Variants in ERC2 observed in about 807,000 individuals in gnomAD.
ERC2 encodes the protein ELKS/RAB6-interacting/CAST family member 2, also known as ERC protein 2.
A neutral mutation model predicts 114.8 loss-of-function variants in ERC2; 42 were observed. The ratio of observed to expected loss-of-function variants is 0.37; its 90% CI spans 0.29 to 0.47. ERC2 has a LOEUF of 0.47. Among genes scored for constraint, ERC2 ranks in the 20% least tolerant of loss-of-function variants. ERC2 has a pLI of 0.99. For synonymous variants in ERC2, 454 were observed against 425.5 expected (o/e 1.07, Z -0.82); for missense variants, 939 against 1,150.7 (o/e 0.82, Z 2.66).
At chr3:56,012,793 A>G (rs548335254) in intron 8 of ERC2, among the ~76,000 whole-genome samples, 2 of 152,244 alleles carry the variant, frequency 1.3e-5, no homozygotes, top group African/African-American at 2.4e-5. Context: ...GCGCAGGGCC[A>G]GATGTCAAAA....
chr3:56,077,548 G>A (rs1370210976), intron 7 of ERC2, among the ~76,000 whole-genome samples: 2 of 152,112 alleles, frequency 1.3e-5, no homozygotes, highest in Admixed American at 1.3e-4. Context: ...TGGCAAAAGT[G>A]GTCATTTGTC....
chr3:56,384,860 G>A (rs2106767461), intron 2 of ERC2, among the ~76,000 whole-genome samples: 1 of 152,204 alleles, frequency 6.6e-6, no homozygotes, highest in East Asian at 1.9e-4. Context: ...TTTCATATAT[G>A]ATATAAGGTA....
At chr3:56,324,694 A>G (rs2057280616) in intron 2 of ERC2, among the ~76,000 whole-genome samples, 1 of 152,154 alleles carries the variant, frequency 6.6e-6, no homozygotes, top group Non-Finnish European at 1.5e-5. Context: ...GCTGAGCTGA[A>G]AGGCCCAGAT....
chr3:56,391,888 G>A (rs562927594), intron 2 of ERC2, among the ~76,000 whole-genome samples: 5 of 152,034 alleles, frequency 3.3e-5, no homozygotes, highest in African/African-American at 7.3e-5. Context: ...CTCTGTCCCC[G>A]AGGCATCATA....
intron 1 of ERC2, among the ~76,000 whole-genome samples, chr3:56,443,956 C>T (rs1186702699): frequency 2.1e-5 from 1 of 47,672 alleles, no homozygotes; most frequent in Non-Finnish European, 3.8e-5. Flanking sequence ...AAAATACCTA[C>T]AATTTTTTTT....
chr3:56,336,035 T>A (rs2057832187), intron 2 of ERC2, among the ~76,000 whole-genome samples: 1 of 152,118 alleles, frequency 6.6e-6, no homozygotes, highest in Non-Finnish European at 1.5e-5. Flanking sequence ...CCTAGTGCAC[T>A]GAATCTAGAG....
At chr3:56,074,880 C>A (rs942390967) in intron 7 of ERC2, among the ~76,000 whole-genome samples, 6 of 152,130 alleles carry the variant, frequency 3.9e-5, no homozygotes, top group Non-Finnish European at 5.9e-5. Flanking sequence ...GATCTCAAAG[C>A]AATTTCTCCT....
At chr3:55,981,529 A>G (rs2070139986) in intron 12 of ERC2, among the ~76,000 whole-genome samples, 1 of 152,154 alleles carries the variant, frequency 6.6e-6, no homozygotes, top group South Asian at 2.1e-4. Flanking sequence ...TTACTGCTAT[A>G]TCCCCAACAC....
chr3:55,986,083 T>A lies in ERC2; in HGVS notation c.2256-95A>T, dbSNP rs2070605650. 3.4e-6 allele frequency: 4 copies of A among 1,181,786 alleles called. No individual in the cohort carries two copies. In the African/African-American group the frequency reaches 6.1e-5, roughly 18 times the overall value. 73.2% of individuals were successfully genotyped at this position (1,181,786 alleles called of 1,614,324 possible). On this transcript the variant is annotated intron_variant, in intron 11 of 17. Transcript: ENST00000288221. ...ATAAAAGGAAGGAAATGCATTAGTT[T>A]TAAACATATAGCCAACAGATGTTAT...
chr3:56,430,552 C>T (rs1261873259), intron 2 of ERC2, among the ~76,000 whole-genome samples: 1 of 152,166 alleles, frequency 6.6e-6, no homozygotes, highest in Non-Finnish European at 1.5e-5. Flanking sequence ...CTTTGGGAGG[C>T]TGAGGTGGGA....
chr3:55,772,027 C>G (rs914120367), intron 14 of ERC2, among the ~76,000 whole-genome samples: 3 of 152,150 alleles, frequency 2.0e-5, no homozygotes, highest in Non-Finnish European at 2.9e-5. Flanking sequence ...TGGGCCTCTC[C>G]GCCCATCAGG....
intron 3 of ERC2, among the ~76,000 whole-genome samples, chr3:56,292,539 G>A (rs577541036): frequency 1.6e-4 from 24 of 152,066 alleles, no homozygotes; most frequent in African/African-American, 4.3e-4. Flanking sequence ...GCAGTAAGCC[G>A]AGACTGTGCC....
intron 2 of ERC2, among the ~76,000 whole-genome samples, chr3:56,311,245 CTCTCTCTCTCT>C (rs2056538451): frequency 7.7e-5 from 2 of 26,102 alleles, no homozygotes; most frequent in African/African-American, 1.0e-4. Flanking sequence ...CTCTCTCTCT[CTCTCTCTCTCT>C]ATATATATAT....
chr3:56,000,993 G>A (rs1425831081), intron 10 of ERC2, among the ~76,000 whole-genome samples: 1 of 150,800 alleles, frequency 6.6e-6, no homozygotes, highest in East Asian at 1.9e-4. Context: ...TATTTTGGAG[G>A]AATAGTTCAT....
At chr3:55,810,879 G>A (rs2059695890) in intron 14 of ERC2, among the ~76,000 whole-genome samples, 1 of 152,142 alleles carries the variant, frequency 6.6e-6, no homozygotes, top group Non-Finnish European at 1.5e-5. Context: ...TTCTTTAATA[G>A]ATGTGGATAT....
chr3:55,562,830 A>T (rs1250192563), intron 17 of ERC2, among the ~76,000 whole-genome samples: 1 of 151,334 alleles, frequency 6.6e-6, no homozygotes, highest in Non-Finnish European at 1.5e-5. Context: ...GTTGTTGTTT[A>T]AAAAAAAAGA....
chr3:56,306,718 T>G (rs1303950544), intron 2 of ERC2, among the ~76,000 whole-genome samples: 1 of 152,158 alleles, frequency 6.6e-6, no homozygotes, highest in Admixed American at 6.5e-5. Flanking sequence ...TAGAATAATC[T>G]CCTTGGATGA....
At chr3:55,934,142 C>G (rs558180598) in intron 13 of ERC2, among the ~76,000 whole-genome samples, 1 of 152,266 alleles carries the variant, frequency 6.6e-6, no homozygotes, top group African/African-American at 2.4e-5. Context: ...GAGGGTATGG[C>G]TAGCTGCCAA....
chr3:56,199,341 C>T (rs2048283629), intron 3 of ERC2, among the ~76,000 whole-genome samples: 1 of 151,934 alleles, frequency 6.6e-6, no homozygotes, highest in African/African-American at 2.4e-5. Flanking sequence ...GGATTCTAGA[C>T]AAAGGCAAAG....
Sources: allele counts gnomAD v4.1 joint callset (sites outside exome capture counted in the v4.1 genomes callset), GRCh38; gene constraint gnomAD v4.1.1; transcripts MANE v1.5; gene names NCBI Gene and HGNC (gene_info 2026-07-23, HGNC 2026-07-21).